Variants in MYO5A observed in about 807,000 individuals in gnomAD.
MYO5A encodes the protein myosin VA, also known as unconventional myosin-Va.
A neutral mutation model predicts 249.7 loss-of-function variants in MYO5A; 98 were observed. The ratio of observed to expected loss-of-function variants is 0.39; its 90% confidence interval spans 0.33 to 0.46. The LOEUF is 0.46. MYO5A is among the 20% of genes least tolerant of loss of function. The pLI, the probability that MYO5A is intolerant of heterozygous loss-of-function variation, is 0.98. For missense variants in MYO5A, 1,696 were observed against 2,308.8 expected, an observed-to-expected ratio of 0.73 and a Z score of 5.44; for synonymous variants, 778 against 810.6, an observed-to-expected ratio of 0.96 and a Z score of 0.68.
intron 1 of MYO5A, among the ~76,000 whole-genome samples, chr15:52,454,236 A>T (rs2076075277): frequency 6.6e-6 from 1 of 152,152 alleles, no homozygotes; most frequent in Non-Finnish European, 1.5e-5. Flanking sequence ...GATAAAATAG[A>T]CTACAAGTCA....
chr15:52,337,695 C>A (rs752756307), intron 33 of MYO5A, 115 bp downstream of exon 33: 12 of 675,556 alleles, frequency 1.8e-5, no homozygotes, highest in Admixed American at 3.0e-5. Flanking sequence ...AAACAGGTTT[C>A]GTGAAAATTT....
chr15:52,317,607 A>T (rs1321260572), intron 39 of MYO5A, among the ~76,000 whole-genome samples: 4 of 152,180 alleles, frequency 2.6e-5, no homozygotes, highest in Admixed American at 2.6e-4. Context: ...TTGCAGGGTG[A>T]GACTTGATAA....
chr15:52,516,226 C>T (rs1449025083), intron 1 of MYO5A, among the ~76,000 whole-genome samples: 5 of 152,138 alleles, frequency 3.3e-5, no homozygotes, highest in East Asian at 1.9e-4. Flanking sequence ...TGTACTGCCT[C>T]GCTTTCAGGA....
At position 52,388,170 on chromosome 15, in the gene MYO5A, G is replaced by A. The variant is rs191364692; in HGVS notation, c.1669-258C>T. On this transcript the variant is annotated intron_variant, in intron 13 of 41. Transcript: ENST00000399233. Reference sequence around the variant, plus strand: ...ATCTAAAAGATCCTCTCAGTTAGTGGGTGAGCAGATTAGATCCTCTTCTCC... The same window carrying A: ...ATCTAAAAGATCCTCTCAGTTAGTGAGTGAGCAGATTAGATCCTCTTCTCC... Among the ~76,000 whole-genome samples the A allele has an allele frequency of 1.1e-4, 17 of 152,240 alleles. No homozygotes were observed. In the East Asian group the frequency reaches 3.3e-3, roughly 29 times the overall value.
At chr15:52,394,211 C>T (rs1014489237) in intron 11 of MYO5A, among the ~76,000 whole-genome samples, 13 of 152,156 alleles carry the variant, frequency 8.5e-5, no homozygotes, top group African/African-American at 2.9e-4. Flanking sequence ...ACTGTGAGAC[C>T]CCACGTTCCT....
At chr15:52,479,847 T>C (rs2076679092) in intron 1 of MYO5A, among the ~76,000 whole-genome samples, 1 of 152,232 alleles carries the variant, frequency 6.6e-6, no homozygotes, top group African/African-American at 2.4e-5. Context: ...TAGACCTCTC[T>C]GAGTAAAGGA....
At chr15:52,378,056 C>A (rs1410809882) in intron 18 of MYO5A, among the ~76,000 whole-genome samples, 2 of 152,092 alleles carry the variant, frequency 1.3e-5, no homozygotes. Context: ...GTGGTCCTTA[C>A]CCGCATCCCG....
intron 35 of MYO5A, 99 bp downstream of exon 35, chr15:52,330,254 T>A: frequency 6.7e-7 from 1 of 1,490,890 alleles, no homozygotes; most frequent in East Asian, 2.3e-5. Context: ...TGATGACTAA[T>A]GAAACCTACG....
At chr15:52,365,158 A>C (rs2040747239) in intron 23 of MYO5A, among the ~76,000 whole-genome samples, 1 of 152,088 alleles carries the variant, frequency 6.6e-6, no homozygotes, top group Non-Finnish European at 1.5e-5. Context: ...CGGTTGTCCT[A>C]CTCTACAGAG....
chr15:52,385,837 G>A (rs948664689), intron 14 of MYO5A, among the ~76,000 whole-genome samples: 1 of 152,116 alleles, frequency 6.6e-6, no homozygotes, highest in African/African-American at 2.4e-5. Flanking sequence ...CAGCAGCAGA[G>A]GAAGCCTCCA....
intron 16 of MYO5A, among the ~76,000 whole-genome samples, chr15:52,381,510 T>C (rs1466656229): frequency 6.6e-6 from 1 of 152,112 alleles, no homozygotes; most frequent in African/African-American, 2.4e-5. Context: ...AGTCACATTA[T>C]CCCAATGAGA....
chr15:52,469,634 A>G (rs67560989), intron 1 of MYO5A, among the ~76,000 whole-genome samples: 22,869 of 152,122 alleles, frequency 0.15, 1,833 homozygotes, highest in Middle Eastern at 0.22. Context: ...TTGCTTTTCC[A>G]TTCTCTAAGA....
At chr15:52,520,460 C>T (rs556024791) in intron 1 of MYO5A, among the ~76,000 whole-genome samples, 6 of 152,310 alleles carry the variant, frequency 3.9e-5, no homozygotes, top group African/African-American at 1.4e-4. Flanking sequence ...GCAGGTGCCA[C>T]TGACCATCTT....
chr15:52,477,953 G>C (rs1057477146), intron 1 of MYO5A, among the ~76,000 whole-genome samples: 1 of 152,220 alleles, frequency 6.6e-6, no homozygotes, highest in Admixed American at 6.5e-5. Context: ...ACACAGGGAC[G>C]TTTAAGTCTG....
intron 4 of MYO5A, among the ~76,000 whole-genome samples, chr15:52,417,973 C>T (rs77221553): frequency 0.013 from 2,047 of 152,132 alleles, 24 homozygotes; most frequent in African/African-American, 0.033. Context: ...GTGATGGGGC[C>T]GTAAGAGGAA....
At chr15:52,380,883 TA>T (rs541111984) in intron 16 of MYO5A, among the ~76,000 whole-genome samples, 28 of 152,210 alleles carry the variant, frequency 1.8e-4, no homozygotes, top group Non-Finnish European at 3.7e-4. Flanking sequence ...TCCCCTGGAA[TA>T]AAGACTGGTC....
At chr15:52,389,122 C>A in intron 13 of MYO5A, 116 bp downstream of exon 13, 2 of 1,083,044 alleles carry the variant, frequency 1.8e-6, no homozygotes, top group East Asian at 2.6e-5. Flanking sequence ...ACTGCTGTCC[C>A]TTGAGCCCTA....
At chr15:52,339,581 G>A (rs1370350444) in intron 32 of MYO5A, among the ~76,000 whole-genome samples, 3 of 151,160 alleles carry the variant, frequency 2.0e-5, no homozygotes, top group Non-Finnish European at 4.4e-5. Flanking sequence ...CTCCATGCCA[G>A]GGTTTAGAAT....
intron 1 of MYO5A, among the ~76,000 whole-genome samples, chr15:52,495,426 A>C (rs1390880735): frequency 6.6e-6 from 1 of 152,256 alleles, no homozygotes; most frequent in Admixed American, 6.5e-5. Context: ...CTACTGGTCA[A>C]AAAACACAAA....
Sources: gnomAD v4.1 joint callset for allele counts (sites outside exome capture counted in the v4.1 genomes callset) on GRCh38, gnomAD v4.1.1 for gene constraint, MANE v1.5 for transcripts, NCBI Gene and HGNC (gene_info 2026-07-23, HGNC 2026-07-21) for gene names.